Variants in ATXN7L1 observed in about 807,000 individuals in gnomAD.
ATXN7L1 encodes ataxin 7 like 1.
ATXN7L1 carries 15 observed loss-of-function variants against 70.8 expected under a neutral mutation model. The ratio of observed to expected loss-of-function variants is 0.21; its 90% CI spans 0.14 to 0.33. The LOEUF is 0.33. ATXN7L1 is among the 10% of genes least tolerant of loss of function. The pLI, the probability that ATXN7L1 is intolerant of heterozygous loss-of-function variation, is 1.00. For missense variants in ATXN7L1, 975 were observed against 1,097.1 expected, an observed-to-expected ratio of 0.89 and a Z score of 1.57; for synonymous variants, 440 against 445.1, an observed-to-expected ratio of 0.99 and a Z score of 0.14.
intron 3 of ATXN7L1, among the ~76,000 whole-genome samples, chr7:105,766,105 C>A (rs867412711): frequency 6.6e-6 from 1 of 151,238 alleles, no homozygotes; most frequent in African/African-American, 2.4e-5. Context: ...TGAGCTCATT[C>A]GCCACACAGG....
rs191789856 is a variant in ATXN7L1, at chr7:105,688,347, G to T, written c.356-23059C>A. On this transcript the variant is annotated intron_variant, in intron 3 of 11. Transcript: ENST00000419735. Reference sequence around the variant, plus strand: ...GCTTGACCTCAGGAGTTTGAGACCAGCCTGGGCAACATGGAGGAAACCCCA... The same window carrying T: ...GCTTGACCTCAGGAGTTTGAGACCATCCTGGGCAACATGGAGGAAACCCCA... 1.2e-4 allele frequency among the ~76,000 whole-genome samples: 19 copies of T among 152,292 alleles called. No individual in the cohort carries two copies. In the East Asian group the frequency reaches 3.5e-3, roughly 28 times the overall value.
At chr7:105,751,209 G>A (rs1799171496) in intron 3 of ATXN7L1, among the ~76,000 whole-genome samples, 1 of 152,166 alleles carries the variant, frequency 6.6e-6, no homozygotes. Context: ...GGGAAGGGAT[G>A]GATGGGAAGG....
At chr7:105,737,696 G>T (rs755910397) in intron 3 of ATXN7L1, among the ~76,000 whole-genome samples, 13 of 152,122 alleles carry the variant, frequency 8.5e-5, no homozygotes, top group Non-Finnish European at 1.6e-4. Context: ...GGAGGTGGGG[G>T]TGATGTCATA....
At chr7:105,748,254 A>C (rs1798800899) in intron 3 of ATXN7L1, among the ~76,000 whole-genome samples, 1 of 152,244 alleles carries the variant, frequency 6.6e-6, no homozygotes, top group Non-Finnish European at 1.5e-5. Flanking sequence ...TATTCAGAGC[A>C]GACTTAGTCT....
At chr7:105,689,736 G>A (rs543075476) in intron 3 of ATXN7L1, among the ~76,000 whole-genome samples, 3 of 152,350 alleles carry the variant, frequency 2.0e-5, no homozygotes, top group South Asian at 2.1e-4. Context: ...TTAGCATCGT[G>A]TCATAGCCAG....
chr7:105,866,320 C>A (rs1395377299), intron 2 of ATXN7L1, among the ~76,000 whole-genome samples: 1 of 152,152 alleles, frequency 6.6e-6, no homozygotes, highest in East Asian at 1.9e-4. Context: ...CTTCGTCCTG[C>A]CCTGGAGAGT....
intron 2 of ATXN7L1, among the ~76,000 whole-genome samples, chr7:105,797,792 C>G (rs971174140): frequency 6.6e-6 from 1 of 152,326 alleles, no homozygotes; most frequent in East Asian, 1.9e-4. Flanking sequence ...CGGCAAAGCC[C>G]GGCAGCTTTC....
In ATXN7L1 at chr7:105,853,688, T is replaced by C. The variant is rs531607339; in HGVS notation, c.250+22124A>G. On this transcript the variant is annotated intron_variant, in intron 2 of 11. Transcript: ENST00000419735. ...CTGAGGCAGGAGAATTCCTTGAACC[T>C]GGGAGGCGGAGGTTGCAGCGAGCAG... 1.5e-3 allele frequency among the ~76,000 whole-genome samples: 230 copies of C among 149,724 alleles called. 1 individual carries two copies. The highest frequency in any genetic ancestry group is 5.3e-3 in the African/African-American group (216 of 40,578).
intron 2 of ATXN7L1, among the ~76,000 whole-genome samples, chr7:105,793,113 C>T (rs780702296): frequency 3.3e-5 from 5 of 152,202 alleles, no homozygotes; most frequent in African/African-American, 4.8e-5. Context: ...ATGCTTCTTA[C>T]GTAGAACAAC....
intron 4 of ATXN7L1, among the ~76,000 whole-genome samples, chr7:105,649,057 C>T (rs1365100249): frequency 1.3e-5 from 2 of 152,210 alleles, no homozygotes; most frequent in East Asian, 1.9e-4. Flanking sequence ...AGCCAAAGCC[C>T]TTCAAAGTTC....
intron 2 of ATXN7L1, among the ~76,000 whole-genome samples, chr7:105,825,559 G>A (rs1322507787): frequency 7.1e-6 from 1 of 141,590 alleles, no homozygotes; most frequent in African/African-American, 2.6e-5. Flanking sequence ...CTACATACGA[G>A]AGGAAGTGGA....
chr7:105,766,354 A>T (rs1286246764), intron 3 of ATXN7L1, among the ~76,000 whole-genome samples: 1 of 152,124 alleles, frequency 6.6e-6, no homozygotes, highest in Non-Finnish European at 1.5e-5. Flanking sequence ...GACTTTCTGT[A>T]ATCAAGTCTT....
intron 4 of ATXN7L1, among the ~76,000 whole-genome samples, chr7:105,657,017 T>G (rs774658325): frequency 1.3e-5 from 2 of 152,174 alleles, no homozygotes; most frequent in Non-Finnish European, 2.9e-5. Context: ...TACATGTGAA[T>G]TTGAGCTATT....
chr7:105,844,786 C>T (rs1310560776), intron 2 of ATXN7L1, among the ~76,000 whole-genome samples: 1 of 151,976 alleles, frequency 6.6e-6, no homozygotes, highest in Non-Finnish European at 1.5e-5. Context: ...AAGGTAAAAC[C>T]ATCTCTATTT....
intron 2 of ATXN7L1, among the ~76,000 whole-genome samples, chr7:105,821,965 G>A (rs1810228923): frequency 6.6e-6 from 1 of 152,224 alleles, no homozygotes; most frequent in East Asian, 1.9e-4. Flanking sequence ...AAGTGTGTAA[G>A]CCCCAGACAC....
intron 3 of ATXN7L1, among the ~76,000 whole-genome samples, chr7:105,759,479 TG>T (rs1563070774): frequency 1.3e-3 from 154 of 122,770 alleles, no homozygotes; most frequent in African/African-American, 3.7e-3. Flanking sequence ...TGTGTGTGTG[TG>T]TGTGTGTGTG....
At chr7:105,707,488 G>A (rs628409) in intron 3 of ATXN7L1, among the ~76,000 whole-genome samples, 2,186 of 152,270 alleles carry the variant, frequency 0.014, 60 homozygotes, top group African/African-American at 0.05. Flanking sequence ...GCTGAACCCT[G>A]GCTGCAGTCT....
chr7:105,876,280 C>T (rs1312899476), intron 1 of ATXN7L1, 98 bp downstream of exon 1: 2 of 1,381,924 alleles, frequency 1.4e-6, no homozygotes, highest in East Asian at 2.5e-5. Flanking sequence ...ACACCGGGGG[C>T]CACTCTCTCT....
intron 2 of ATXN7L1, among the ~76,000 whole-genome samples, chr7:105,809,668 G>C (rs1808130536): frequency 6.6e-6 from 1 of 152,112 alleles, no homozygotes; most frequent in African/African-American, 2.4e-5. Context: ...AACCCTTCAA[G>C]GTAAGGTGGC....
Sources: allele counts gnomAD v4.1 joint callset (sites outside exome capture counted in the v4.1 genomes callset), GRCh38; gene constraint gnomAD v4.1.1; transcripts MANE v1.5; gene names NCBI Gene and HGNC (gene_info 2026-07-23, HGNC 2026-07-21).